The following LHFPL6 variants were observed in gnomAD, a reference collection of about 807,000 sequenced individuals.
LHFPL6 encodes LHFPL tetraspan subfamily member 6.
LHFPL6 carries 9 observed loss-of-function variants against 20.6 expected under a neutral mutation model. That is an observed-to-expected ratio of 0.44 (90% CI 0.26 to 0.76). The LOEUF (loss-of-function observed/expected upper bound fraction) is 0.76. LHFPL6 is among the 30% of genes least tolerant of loss of function. The pLI, the probability that LHFPL6 is intolerant of heterozygous loss-of-function variation, is 0.20. For synonymous variants in LHFPL6, 105 were observed against 98.7 expected, an observed-to-expected ratio of 1.06 and a Z score of -0.38; for missense variants, 218 against 253.5, an observed-to-expected ratio of 0.86 and a Z score of 0.95.
chr13:39,579,978 G>A (rs182776368), intron 2 of LHFPL6, among the ~76,000 whole-genome samples: 11 of 152,262 alleles, frequency 7.2e-5, no homozygotes, highest in African/African-American at 2.4e-4. Flanking sequence ...AGCTGCAGCA[G>A]AATCTTAAGA....
intron 2 of LHFPL6, among the ~76,000 whole-genome samples, chr13:39,595,250 T>C (rs9603569): frequency 0.41 from 62,453 of 152,120 alleles, 13,362 homozygotes; most frequent in East Asian, 0.6. Context: ...GAGCTTAGAG[T>C]GCATGCTCTC....
intron 2 of LHFPL6, among the ~76,000 whole-genome samples, chr13:39,412,212 T>C (rs368825573): frequency 1.2e-4 from 18 of 152,340 alleles, no homozygotes; most frequent in African/African-American, 4.1e-4. Context: ...AGAAATAATC[T>C]AGTAATTGTT....
chr13:39,389,350 A>T (rs1241508367), intron 2 of LHFPL6, among the ~76,000 whole-genome samples: 1 of 152,224 alleles, frequency 6.6e-6, no homozygotes, highest in Non-Finnish European at 1.5e-5. Context: ...GTACCTTCTC[A>T]TATGGCTGTG....
chr13:39,358,811 T>C (rs145194721), intron 3 of LHFPL6, among the ~76,000 whole-genome samples: 2 of 152,214 alleles, frequency 1.3e-5, no homozygotes, highest in African/African-American at 4.8e-5. Context: ...TCATCACTAA[T>C]CATCAGAAAA....
At chr13:39,513,266 A>G (rs1001469129) in intron 2 of LHFPL6, among the ~76,000 whole-genome samples, 1 of 152,242 alleles carries the variant, frequency 6.6e-6, no homozygotes, top group African/African-American at 2.4e-5. Flanking sequence ...TAAGAAGGGC[A>G]TGGCCCTTCT....
chr13:39,555,589 A>G (rs1237916109), intron 2 of LHFPL6, among the ~76,000 whole-genome samples: 1 of 152,218 alleles, frequency 6.6e-6, no homozygotes, highest in Non-Finnish European at 1.5e-5. Flanking sequence ...ATTAAGCATC[A>G]GTTTATTGAA....
intron 2 of LHFPL6, among the ~76,000 whole-genome samples, chr13:39,508,500 A>C (rs999611145): frequency 2.0e-5 from 3 of 152,146 alleles, no homozygotes; most frequent in African/African-American, 4.8e-5. Flanking sequence ...TATACTCCCC[A>C]TCCTAGAAAA....
intron 2 of LHFPL6, among the ~76,000 whole-genome samples, chr13:39,412,001 G>A (rs999965533): frequency 1.3e-5 from 2 of 152,226 alleles, no homozygotes; most frequent in Non-Finnish European, 2.9e-5. Flanking sequence ...AGTATTAGAA[G>A]AGACTTAGGG....
At chr13:39,472,027 A>G (rs544091081) in intron 2 of LHFPL6, among the ~76,000 whole-genome samples, 44 of 152,362 alleles carry the variant, frequency 2.9e-4, no homozygotes, top group African/African-American at 9.9e-4. Context: ...AATACTCCAG[A>G]CAGGTATTCC....
intron 3 of LHFPL6, among the ~76,000 whole-genome samples, chr13:39,356,011 T>G (rs1177040375): frequency 1.3e-5 from 2 of 152,202 alleles, no homozygotes; most frequent in African/African-American, 4.8e-5. Context: ...AATTCTGGAT[T>G]TAAACTCAAC....
chr13:39,549,176 A>AT (rs1004730760), intron 2 of LHFPL6, among the ~76,000 whole-genome samples: 3 of 152,064 alleles, frequency 2.0e-5, no homozygotes, highest in Non-Finnish European at 4.4e-5. Context: ...GACCATCAGG[A>AT]AAAAAAAAAT....
At chr13:39,530,346 CAG>C (rs939047181) in intron 2 of LHFPL6, among the ~76,000 whole-genome samples, 17 of 150,546 alleles carry the variant, frequency 1.1e-4, no homozygotes, top group Non-Finnish European at 2.1e-4. Flanking sequence ...TGAACTGAAA[CAG>C]AGTGCGGAGG....
chr13:39,516,680 G>A (rs536118025), intron 2 of LHFPL6, among the ~76,000 whole-genome samples: 190 of 152,330 alleles, frequency 1.2e-3, no homozygotes, highest in Non-Finnish European at 2.0e-3. Flanking sequence ...TAACATGCTC[G>A]ATAACCTTGG....
intron 2 of LHFPL6, among the ~76,000 whole-genome samples, chr13:39,470,254 G>T (rs1233642677): frequency 3.3e-5 from 5 of 152,110 alleles, no homozygotes; most frequent in Non-Finnish European, 5.9e-5. Flanking sequence ...TATATTCAAA[G>T]AAGTGCAAAA....
At chr13:39,441,872 T>C (rs1872146814) in intron 2 of LHFPL6, among the ~76,000 whole-genome samples, 1 of 144,194 alleles carries the variant, frequency 6.9e-6, no homozygotes, top group Admixed American at 7.2e-5. Flanking sequence ...TCTTGTCGCC[T>C]GGACTGGAGT....
At chr13:39,441,228 C>G (rs2138413938) in intron 2 of LHFPL6, among the ~76,000 whole-genome samples, 1 of 146,510 alleles carries the variant, frequency 6.8e-6, no homozygotes, top group South Asian at 2.2e-4. Context: ...CTATCCTATC[C>G]TCCTGCCTCT....
chr13:39,433,887 A>G (rs908878334), intron 2 of LHFPL6, among the ~76,000 whole-genome samples: 4 of 152,194 alleles, frequency 2.6e-5, no homozygotes, highest in African/African-American at 9.7e-5. Context: ...CTTTGGGATG[A>G]AATTTGTTTC....
intron 2 of LHFPL6, among the ~76,000 whole-genome samples, chr13:39,395,380 G>T (rs764031821): frequency 6.6e-6 from 1 of 152,144 alleles, no homozygotes; most frequent in African/African-American, 2.4e-5. Flanking sequence ...ATTTAAAGCC[G>T]CTTTTTATGG....
intron 2 of LHFPL6, among the ~76,000 whole-genome samples, chr13:39,588,631 G>A (rs1872520304): frequency 6.6e-6 from 1 of 152,214 alleles, no homozygotes. Context: ...CTAACATTAT[G>A]CAGGAACCTC....
Sources: allele counts gnomAD v4.1 joint callset (sites outside exome capture counted in the v4.1 genomes callset), GRCh38; gene constraint gnomAD v4.1.1; transcripts MANE v1.5; gene names NCBI Gene and HGNC (gene_info 2026-07-23, HGNC 2026-07-21).